Variants in SPEF2 observed in about 807,000 individuals in gnomAD.
SPEF2 encodes sperm flagella and cilia-associated protein 2.
A neutral mutation model predicts 224.6 loss-of-function variants in SPEF2; 187 were observed. The ratio of observed to expected loss-of-function variants is 0.83; its 90% CI spans 0.74 to 0.94. The LOEUF (loss-of-function observed/expected upper bound fraction) is 0.94. Among genes scored for constraint, SPEF2 ranks in the 40% least tolerant of loss-of-function variants. SPEF2 has a pLI of 0.00. For synonymous variants in SPEF2, 715 were observed against 707.3 expected (o/e 1.01, Z -0.17); for missense variants, 2,170 against 2,135.6 (o/e 1.02, Z -0.32).
chr5:35,791,974 T>C (rs1474883631), intron 30 of SPEF2, among the ~76,000 whole-genome samples: 1 of 152,140 alleles, frequency 6.6e-6, no homozygotes. Flanking sequence ...ATTTTACTCT[T>C]GTGCCCTACA....
At chr5:35,754,080 A>G (rs1580596643) in intron 24 of SPEF2, among the ~76,000 whole-genome samples, 1 of 152,178 alleles carries the variant, frequency 6.6e-6, no homozygotes, top group Admixed American at 6.5e-5. Context: ...CTCAAAGCAG[A>G]CCCCTTAAGT....
rs192969459 is a variant in SPEF2 at position 35,771,610 on chromosome 5, T to A, written c.3803T>A (p.Val1268Glu). 6.3e-6 allele frequency: 10 copies of A among 1,589,454 alleles called. No individual in the cohort carries two copies. In the East Asian group the frequency reaches 1.8e-4, roughly 28 times the overall value. ...GAAATATTGCTGTTACGCAACCAGG[T>A]GGCTGCTGAAATTCATCAGAGGCTT... The part of the protein sequence containing the change: ...QQASLAVSHM[V>E]AAEIHQRLME... The change falls in exon 27 of 37, where the codon GTG (valine) becomes GAG (glutamate). Residue 1268 changes from valine to glutamate, a missense_variant and splice_region_variant. By Grantham distance (121) the Val-to-Glu change is moderately radical. Coordinates refer to ENST00000356031, the MANE Select transcript of SPEF2 (RefSeq NM_024867.4).
At chr5:35,790,999 A>C (rs552635506) in intron 30 of SPEF2, 2 of 152,314 alleles carry the variant, frequency 1.3e-5, no homozygotes, top group Non-Finnish European at 2.9e-5. Flanking sequence ...CCCCGTATCC[A>C]TTAGAGATTG....
intron 7 of SPEF2, among the ~76,000 whole-genome samples, chr5:35,655,220 G>A (rs1021325055): frequency 6.6e-6 from 1 of 152,064 alleles, no homozygotes; most frequent in Non-Finnish European, 1.5e-5. Context: ...CAGATTATTG[G>A]GCCCCACCCC....
chr5:35,641,311 A>G, intron 2 of SPEF2, 120 bp from the exon 3 acceptor site: 3 of 1,172,474 alleles, frequency 2.6e-6, no homozygotes, highest in Non-Finnish European at 1.2e-6. Flanking sequence ...GAGAGGAATG[A>G]TACAGCTAAA....
chr5:35,764,722 T>C (rs533294189), intron 26 of SPEF2: 3 of 456,192 alleles, frequency 6.6e-6, no homozygotes, highest in South Asian at 1.5e-5. Flanking sequence ...CTGGGCACTT[T>C]CCAAGTCCCT....
Position 35,670,116 on chromosome 5 carries a change from C to CAT in SPEF2, c.1418_1419dup (p.Glu474MetfsTer27). 6.2e-7 allele frequency: 1 copy of CAT among 1,611,576 alleles called. No individual in the cohort carries two copies. The highest frequency in any genetic ancestry group is 1.1e-5 in the South Asian group (1 of 90,642). On this transcript the variant is annotated frameshift_variant, in exon 10 of 37. Transcript: ENST00000356031. LOFTEE classifies it high-confidence loss of function. The stretch of plus-strand genomic sequence containing the variant: ...AGGAACTATTTTTTAATGCAAAACC[C>CAT]ATATATGAACAAGCCTCTGTTAAGA...
intron 8 of SPEF2, among the ~76,000 whole-genome samples, chr5:35,663,562 A>G (rs1311014303): frequency 6.6e-6 from 1 of 152,122 alleles, no homozygotes; most frequent in African/African-American, 2.4e-5. Context: ...TATCATTTTC[A>G]TGTATTAAAT....
chr5:35,722,122 G>A (rs1743797972), intron 20 of SPEF2, among the ~76,000 whole-genome samples: 1 of 152,116 alleles, frequency 6.6e-6, no homozygotes, highest in South Asian at 2.1e-4. Flanking sequence ...AAAAATGTCT[G>A]GGAAAGAACC....
intron 3 of SPEF2, among the ~76,000 whole-genome samples, chr5:35,643,303 C>A (rs1009650808): frequency 6.6e-6 from 1 of 152,068 alleles, no homozygotes; most frequent in Non-Finnish European, 1.5e-5. Context: ...CAGGAAAAGC[C>A]CCAACCCTCT....
chr5:35,737,887 C>A (rs935016047), intron 21 of SPEF2, among the ~76,000 whole-genome samples: 2 of 152,214 alleles, frequency 1.3e-5, no homozygotes, highest in Non-Finnish European at 2.9e-5. Flanking sequence ...TGTTTCCTGA[C>A]TTTTTAATGA....
At chr5:35,618,126 GCA>G in intron 1 of SPEF2, 71 bp downstream of exon 1, 1 of 1,506,410 alleles carries the variant, frequency 6.6e-7, no homozygotes. Flanking sequence ...GCAGCGCAGC[GCA>G]CTCAGGGAAG....
chr5:35,726,244 T>C (rs905169114), intron 20 of SPEF2, among the ~76,000 whole-genome samples: 3 of 152,214 alleles, frequency 2.0e-5, no homozygotes, highest in Non-Finnish European at 4.4e-5. Flanking sequence ...ACGATCATGA[T>C]ATTTAAGAAA....
At chr5:35,642,432 A>G (rs769110342) in intron 3 of SPEF2, among the ~76,000 whole-genome samples, 47 of 152,260 alleles carry the variant, frequency 3.1e-4, no homozygotes, top group Non-Finnish European at 5.3e-4. Context: ...TTGGAACTCT[A>G]GAGCATAAGT....
chr5:35,639,863 C>T (rs1021290511), intron 2 of SPEF2, among the ~76,000 whole-genome samples: 7 of 151,728 alleles, frequency 4.6e-5, no homozygotes, highest in African/African-American at 1.7e-4. Flanking sequence ...GCAAAGATGT[C>T]CCAGTGGTTT....
intron 10 of SPEF2, among the ~76,000 whole-genome samples, chr5:35,687,867 A>AT (rs1561197911): frequency 6.6e-6 from 1 of 152,150 alleles, no homozygotes; most frequent in African/African-American, 2.4e-5. Context: ...GAATCTATAC[A>AT]TTTTTTGTTA....
intron 5 of SPEF2, among the ~76,000 whole-genome samples, chr5:35,648,954 C>A (rs1027822863): frequency 6.6e-6 from 1 of 151,344 alleles, no homozygotes; most frequent in African/African-American, 2.4e-5. Context: ...GTGGAGGATG[C>A]CTTGAGCCGA....
chr5:35,792,000 T>C (rs1028334838), intron 30 of SPEF2, among the ~76,000 whole-genome samples: 3 of 152,086 alleles, frequency 2.0e-5, no homozygotes, highest in African/African-American at 7.2e-5. Flanking sequence ...TAGGAAACCT[T>C]AAAATCATAT....
intron 23 of SPEF2, among the ~76,000 whole-genome samples, chr5:35,746,727 T>G (rs890826230): frequency 7.2e-5 from 11 of 152,102 alleles, no homozygotes; most frequent in African/African-American, 2.7e-4. Flanking sequence ...AAGAGAATTA[T>G]AAAAGCTTGG....
Sources: gnomAD v4.1 joint callset for allele counts (sites outside exome capture counted in the v4.1 genomes callset) on GRCh38, gnomAD v4.1.1 for gene constraint, MANE v1.5 for transcripts, NCBI Gene and HGNC (gene_info 2026-07-23, HGNC 2026-07-21) for gene names.